MTSS1: variants seen among roughly 807,000 people sequenced by gnomAD.
MTSS1 encodes the protein protein MTSS 1.
MTSS1 carries 18 observed loss-of-function variants against 79.0 expected under a neutral mutation model. The observed-to-expected ratio is 0.23, with a 90% CI of 0.16 to 0.34. MTSS1 has a LOEUF of 0.34. Ranked by LOEUF, MTSS1 falls within the 10% of genes least tolerant of loss-of-function variation. The pLI, the probability that MTSS1 is intolerant of heterozygous loss-of-function variation, is 1.00. For missense variants in MTSS1, 815 were observed against 986.2 expected, an observed-to-expected ratio of 0.83 and a Z score of 2.33; for synonymous variants, 341 against 368.6, an observed-to-expected ratio of 0.93 and a Z score of 0.86.
At chr8:124,567,264 G>A in intron 7 of MTSS1, 86 bp from the exon 8 acceptor site, 1 of 1,122,402 alleles carries the variant, frequency 8.9e-7, no homozygotes, top group Non-Finnish European at 1.3e-6. Flanking sequence ...TAGGGTCTCT[G>A]TATAACCCTT....
At position 124,551,458 on chromosome 8, in the gene MTSS1, C is replaced by G; in HGVS notation, c.*1534G>C. ...CAATGACCATACGGTACGTTACTCT[C>G]ACATCCAATGCAGTTATGTGTTAAA... On this transcript the variant is annotated 3_prime_UTR_variant, in exon 14 of 14. Coordinates refer to ENST00000518547, the MANE Select transcript of MTSS1 (RefSeq NM_014751.6). 1 of 152,666 alleles carries G rather than the reference C, an allele frequency of 6.6e-6. No homozygotes were observed. Among genetic ancestry groups the G allele is most frequent in the East Asian group, 1.9e-4 (1 of 5,206 alleles). The allele number at this position is 152,666 out of a possible 1,614,324, so 9.5% of individuals were successfully genotyped here. A position where few individuals can be genotyped will look rare whatever the true frequency, so the allele number is the denominator to read the frequency against.
chr8:124,581,612 C>G (rs968202574), intron 6 of MTSS1, among the ~76,000 whole-genome samples: 3 of 151,940 alleles, frequency 2.0e-5, no homozygotes, highest in Admixed American at 1.3e-4. Flanking sequence ...CCCGCCACCA[C>G]GCCCGGCTAA....
chr8:124,687,748 C>T (rs1163273654), intron 3 of MTSS1, among the ~76,000 whole-genome samples: 2 of 152,210 alleles, frequency 1.3e-5, no homozygotes, highest in Non-Finnish European at 2.9e-5. Flanking sequence ...TTACTATCGC[C>T]TCCACAATTC....
rs564594354 is a variant in MTSS1 at position 124,632,060 on chromosome 8, T to C, written c.209-40825A>G. ...GGGAGGCCAAGACAGGAGAATCGCTTGAGCCCAGCAGTTTGAGACCAGCCT... is the reference window on the plus strand; with the variant it reads ...GGGAGGCCAAGACAGGAGAATCGCTCGAGCCCAGCAGTTTGAGACCAGCCT... On this transcript the variant is annotated intron_variant, in intron 3 of 13. Coordinates refer to ENST00000518547, the MANE Select transcript of MTSS1 (RefSeq NM_014751.6). 7.2e-5 allele frequency among the ~76,000 whole-genome samples: 11 copies of C among 152,252 alleles called. No homozygotes were observed. The South Asian group carries it at 1.5e-3, about 20-fold the overall frequency.
chr8:124,620,012 C>T (rs140046037), intron 3 of MTSS1, among the ~76,000 whole-genome samples: 3,241 of 150,102 alleles, frequency 0.022, 57 homozygotes, highest in South Asian at 0.046. Flanking sequence ...AGTGCAATGG[C>T]GCGATCTTGG....
At chr8:124,554,934 C>T (rs1823271485) in intron 13 of MTSS1, among the ~76,000 whole-genome samples, 1 of 152,176 alleles carries the variant, frequency 6.6e-6, no homozygotes, top group South Asian at 2.1e-4. Flanking sequence ...GCCTCGACTT[C>T]CCAGGCTCAA....
chr8:124,694,021 T>C (rs1828383551), intron 3 of MTSS1, among the ~76,000 whole-genome samples: 1 of 152,186 alleles, frequency 6.6e-6, no homozygotes, highest in Non-Finnish European at 1.5e-5. Context: ...AAGTCAAACC[T>C]ACGTATCCCA....
chr8:124,674,019 C>T (rs1390506153), intron 3 of MTSS1, among the ~76,000 whole-genome samples: 1 of 152,216 alleles, frequency 6.6e-6, no homozygotes, highest in African/African-American at 2.4e-5. Flanking sequence ...GTGGAAGGGG[C>T]TCCAAACCAC....
At chr8:124,662,268 G>A (rs963178361) in intron 3 of MTSS1, among the ~76,000 whole-genome samples, 9 of 152,150 alleles carry the variant, frequency 5.9e-5, no homozygotes, top group Admixed American at 1.3e-4. Context: ...AATAGAAGCT[G>A]CCTATCTGGT....
intron 3 of MTSS1, among the ~76,000 whole-genome samples, chr8:124,612,925 G>A (rs367905995): frequency 4.6e-5 from 7 of 152,034 alleles, no homozygotes; most frequent in Admixed American, 2.0e-4. Flanking sequence ...GACAAATTCC[G>A]TAGGCAGGCT....
rs758778397 is a variant in MTSS1 at position 124,727,267 on chromosome 8, G to A, written c.72+617C>T. Among the ~76,000 whole-genome samples the A allele has an allele frequency of 6.6e-6, 1 of 152,224 alleles. No individual in the cohort carries two copies. On this transcript the variant is annotated intron_variant, in intron 1 of 13. Coordinates refer to ENST00000518547, the MANE Select transcript of MTSS1 (RefSeq NM_014751.6). The surrounding 1 kb of genome is among the most constrained non-coding windows in gnomAD (Gnocchi z 4.7). ...AGGCGGGGCCCCTGCAAGGCTGCCCGGGAACTTCGGCCCCGCGCCCCGCGG... is the reference window on the plus strand; with the variant it reads ...AGGCGGGGCCCCTGCAAGGCTGCCCAGGAACTTCGGCCCCGCGCCCCGCGG...
At position 124,566,454 on chromosome 8, in the gene MTSS1, A is replaced by C. The variant is rs544577830; in HGVS notation, c.726+617T>G. Among the ~76,000 whole-genome samples, 362 of 152,200 alleles carry C rather than the reference A, an allele frequency of 2.4e-3. 1 individual carries two copies. The highest frequency in any genetic ancestry group is 3.9e-3 in the Non-Finnish European group (265 of 68,040). Reference sequence around the variant, plus strand: ...GAGCCAGCTCTCCAAGGAGACGAAAAGATTGTTACCAAGCACAAAAGCCAG... The same window carrying C: ...GAGCCAGCTCTCCAAGGAGACGAAACGATTGTTACCAAGCACAAAAGCCAG... On this transcript the variant is annotated intron_variant, in intron 8 of 13. Coordinates refer to ENST00000518547, the MANE Select transcript of MTSS1 (RefSeq NM_014751.6).
chr8:124,586,193 C>T (rs1282806940), intron 5 of MTSS1, among the ~76,000 whole-genome samples: 1 of 152,196 alleles, frequency 6.6e-6, no homozygotes, highest in African/African-American at 2.4e-5. Context: ...AGCTGCTGTA[C>T]ATTTCACCTT....
At chr8:124,648,450 C>A (rs1819363952) in intron 3 of MTSS1, among the ~76,000 whole-genome samples, 1 of 152,148 alleles carries the variant, frequency 6.6e-6, no homozygotes, top group South Asian at 2.1e-4. Context: ...AATTTCGTCT[C>A]ACTGGAAGCT....
chr8:124,632,151 T>A (rs10105407), intron 3 of MTSS1, among the ~76,000 whole-genome samples: 1 of 150,898 alleles, frequency 6.6e-6, no homozygotes. Flanking sequence ...TGGTGGTGCA[T>A]GCCTGTAGTC....
intron 3 of MTSS1, among the ~76,000 whole-genome samples, chr8:124,592,460 C>A (rs1247493242): frequency 6.6e-6 from 1 of 152,148 alleles, no homozygotes; most frequent in African/African-American, 2.4e-5. Context: ...GGATCTGTGG[C>A]AGGTTTAACC....
chr8:124,660,231 CCCAGA>C (rs1221871527), intron 3 of MTSS1, among the ~76,000 whole-genome samples: 1 of 152,000 alleles, frequency 6.6e-6, no homozygotes, highest in African/African-American at 2.4e-5. Flanking sequence ...CATTCGGCAG[CCCAGA>C]GTTAGGAATC....
At chr8:124,720,076 G>A (rs981830024) in intron 1 of MTSS1, among the ~76,000 whole-genome samples, 2 of 152,196 alleles carry the variant, frequency 1.3e-5, no homozygotes, top group Non-Finnish European at 2.9e-5. Context: ...TAGGGTTATC[G>A]AGCTTTGAGG....
At chr8:124,573,294 C>G (rs1278887535) in intron 6 of MTSS1, among the ~76,000 whole-genome samples, 1 of 152,250 alleles carries the variant, frequency 6.6e-6, no homozygotes, top group Non-Finnish European at 1.5e-5. Context: ...CACCTTTTAT[C>G]CTACAGGTCT....
Sources: allele counts gnomAD v4.1 joint callset (sites outside exome capture counted in the v4.1 genomes callset), GRCh38; gene constraint gnomAD v4.1.1; non-coding constraint Gnocchi (gnomAD v3.1); transcripts MANE v1.5; gene names NCBI Gene and HGNC (gene_info 2026-07-23, HGNC 2026-07-21).